GRIK4: variants seen among roughly 807,000 people sequenced by gnomAD.
GRIK4 encodes glutamate receptor ionotropic, kainate 4.
GRIK4 carries 40 observed loss-of-function variants against 104.9 expected under a neutral mutation model. The ratio of observed to expected loss-of-function variants is 0.38; its 90% CI spans 0.30 to 0.50. The LOEUF (loss-of-function observed/expected upper bound fraction) is 0.50. Ranked by LOEUF, GRIK4 falls within the 20% of genes least tolerant of loss-of-function variation. GRIK4 has a pLI of 0.93. For synonymous variants in GRIK4, 485 were observed against 524.9 expected (o/e 0.92, Z 1.04); for missense variants, 1,047 against 1,308.1 (o/e 0.80, Z 3.08).
intron 3 of GRIK4, among the ~76,000 whole-genome samples, chr11:120,669,958 C>T (rs1347251065): frequency 6.6e-6 from 1 of 152,222 alleles, no homozygotes; most frequent in Non-Finnish European, 1.5e-5. Flanking sequence ...TTTGCCATGT[C>T]CAAAATCGAG....
At chr11:120,969,177 T>C (rs1406673687) in intron 19 of GRIK4, among the ~76,000 whole-genome samples, 1 of 152,192 alleles carries the variant, frequency 6.6e-6, no homozygotes, top group Non-Finnish European at 1.5e-5. Context: ...TTACTTGAAG[T>C]GGTTAGCAAA....
intron 13 of GRIK4, among the ~76,000 whole-genome samples, chr11:120,936,868 C>G (rs1409331508): frequency 1.3e-5 from 2 of 151,934 alleles, no homozygotes; most frequent in East Asian, 1.9e-4. Context: ...ACCTGCCCCC[C>G]AGGAGGCAGA....
rs147706930 is a variant in GRIK4 at position 120,641,082 on chromosome 11, G to A, written c.-158-12603G>A. 1.7e-3 allele frequency among the ~76,000 whole-genome samples: 254 copies of A among 152,338 alleles called. 3 individuals are homozygous for A. Among genetic ancestry groups the A allele is most frequent in the Non-Finnish European group, 4.3e-4 (29 of 68,028 alleles). ...CTTGACTCTACAGGCTTTGAACTTCGTGGCATAGCCACTTTGCCATATCTG... is the reference window on the plus strand; with the variant it reads ...CTTGACTCTACAGGCTTTGAACTTCATGGCATAGCCACTTTGCCATATCTG... On this transcript the variant is annotated intron_variant, in intron 1 of 20. Coordinates refer to ENST00000527524, the MANE Select transcript of GRIK4 (RefSeq NM_014619.5).
At chr11:120,605,164 C>A (rs1242210838) in intron 1 of GRIK4, among the ~76,000 whole-genome samples, 2 of 152,172 alleles carry the variant, frequency 1.3e-5, no homozygotes, top group African/African-American at 4.8e-5. Flanking sequence ...AAAAACTTTC[C>A]AAGTGATACT....
chr11:120,898,518 G>A lies in GRIK4; in HGVS notation c.1165-14G>A, dbSNP rs374342048. The A allele has an allele frequency of 3.3e-5, 49 of 1,478,356 alleles. No individual in the cohort carries two copies. The highest frequency in any genetic ancestry group is 1.1e-4 in the African/African-American group (8 of 72,384). 91.6% of individuals were successfully genotyped at this position (1,478,356 alleles called of 1,614,324 possible). A position where few individuals can be genotyped will look rare whatever the true frequency, so the allele number is the denominator to read the frequency against. ...CCACCATTTCTTCCCAGTCCTCTCCGTTGGTCTCCTCAGATCGGCCAGTGG... is the reference window on the plus strand; with the variant it reads ...CCACCATTTCTTCCCAGTCCTCTCCATTGGTCTCCTCAGATCGGCCAGTGG... On this transcript the variant is annotated splice_polypyrimidine_tract_variant and intron_variant, in intron 11 of 20. Transcript: ENST00000527524.
Position 120,524,020 on chromosome 11 carries a change from A to C in GRIK4, c.-159+12133A>C, listed in dbSNP as rs1357193955. Among the ~76,000 whole-genome samples, 2 of 149,980 alleles carry C rather than the reference A, an allele frequency of 1.3e-5. No homozygotes were observed. Among genetic ancestry groups the C allele is most frequent in the Non-Finnish European group, 3.0e-5 (2 of 67,644 alleles). ...CGGCTCACTGCAACCTCCGCCTCCC[A>C]GGTTCAAGTGATTCCCCTGCCTCAG... On this transcript the variant is annotated intron_variant, in intron 1 of 20. Transcript: ENST00000527524. The surrounding 1 kb of genome is among the most constrained non-coding windows in gnomAD (Gnocchi z 4.5).
intron 3 of GRIK4, among the ~76,000 whole-genome samples, chr11:120,670,643 T>C (rs1949999956): frequency 6.6e-6 from 1 of 152,260 alleles, no homozygotes; most frequent in African/African-American, 2.4e-5. Flanking sequence ...GCCCTGACCA[T>C]CCTCTAGCCC....
intron 1 of GRIK4, among the ~76,000 whole-genome samples, chr11:120,566,965 C>T (rs1039906825): frequency 1.4e-5 from 2 of 141,346 alleles, no homozygotes; most frequent in African/African-American, 2.9e-5. Flanking sequence ...CCTCGGCCTC[C>T]TAATTTTTTT....
At chr11:120,834,480 T>C (rs1051915793) in intron 7 of GRIK4, among the ~76,000 whole-genome samples, 1 of 152,214 alleles carries the variant, frequency 6.6e-6, no homozygotes, top group Non-Finnish European at 1.5e-5. Flanking sequence ...CTTTGCCCAT[T>C]TGCCTTCCCA....
At chr11:120,788,551 G>A (rs1591915371) in intron 3 of GRIK4, among the ~76,000 whole-genome samples, 1 of 152,092 alleles carries the variant, frequency 6.6e-6, no homozygotes, top group Admixed American at 6.5e-5. Context: ...CAAACATAGG[G>A]TGTCATATGA....
In GRIK4 at chr11:120,988,205, A is replaced by G. The variant is rs670413; in HGVS notation, c.*1945A>G. The G allele has an allele frequency of 0.6, 91,901 of 151,968 alleles. 27,912 individuals are homozygous for G. Among genetic ancestry groups the G allele is most frequent in the Admixed American group, 0.68 (10,410 of 15,272 alleles). The allele number at this position is 151,968 out of a possible 1,614,324, so 9.4% of individuals were successfully genotyped here. On this transcript the variant is annotated 3_prime_UTR_variant, in exon 21 of 21. Transcript: ENST00000527524. ...TCCTTTATCTTTTTTCTCTTTAACC[A>G]TCAAATGACAACAAGCTGTGCAAGA... is the stretch of plus-strand genomic sequence containing the variant.
chr11:120,774,342 G>A (rs1461494390), intron 3 of GRIK4, among the ~76,000 whole-genome samples: 1 of 152,174 alleles, frequency 6.6e-6, no homozygotes, highest in Non-Finnish European at 1.5e-5. Context: ...GTGTGTATTT[G>A]TGTGTGTGGA....
intron 1 of GRIK4, among the ~76,000 whole-genome samples, chr11:120,596,778 G>A (rs1009672223): frequency 1.3e-5 from 2 of 151,822 alleles, no homozygotes; most frequent in African/African-American, 4.8e-5. Flanking sequence ...AGGCTGAAGT[G>A]CAGTGGCGCC....
chr11:120,857,502 G>A (rs1034152443), intron 8 of GRIK4, among the ~76,000 whole-genome samples: 1 of 150,096 alleles, frequency 6.7e-6, no homozygotes, highest in African/African-American at 2.5e-5. Flanking sequence ...ATGCACACAT[G>A]CACACACACA....
chr11:120,893,465 C>T (rs1942474363), intron 11 of GRIK4, among the ~76,000 whole-genome samples: 1 of 152,214 alleles, frequency 6.6e-6, no homozygotes, highest in East Asian at 1.9e-4. Flanking sequence ...AGCCATTGGC[C>T]TTGTCTGGAA....
intron 1 of GRIK4, among the ~76,000 whole-genome samples, chr11:120,599,032 A>G (rs1238164602): frequency 6.6e-6 from 1 of 152,174 alleles, no homozygotes; most frequent in Non-Finnish European, 1.5e-5. Context: ...CGTTACTGCA[A>G]AGGGTAACAC....
At position 120,929,421 on chromosome 11, in the gene GRIK4, C is replaced by T. The variant is rs74755036; in HGVS notation, c.1477-10926C>T. 3.8e-3 allele frequency among the ~76,000 whole-genome samples: 578 copies of T among 152,232 alleles called. 1 individual carries two copies. Among genetic ancestry groups the T allele is most frequent in the African/African-American group, 0.013 (547 of 41,530 alleles). ...CTGCAGCTCGGTGACCCCAGTGAGTCCTGGCAAGTTCCCTGGGCATCTCAA... is the reference window on the plus strand; with the variant it reads ...CTGCAGCTCGGTGACCCCAGTGAGTTCTGGCAAGTTCCCTGGGCATCTCAA... On this transcript the variant is annotated intron_variant, in intron 13 of 20. Transcript: ENST00000527524.
At chr11:120,591,894 A>G (rs1948738791) in intron 1 of GRIK4, among the ~76,000 whole-genome samples, 1 of 152,116 alleles carries the variant, frequency 6.6e-6, no homozygotes, top group African/African-American at 2.4e-5. Flanking sequence ...AGGGACTGTT[A>G]TTCCCACCAG....
rs11601810 is a variant in GRIK4, at chr11:120,986,364, C to A, written c.*104C>A. ...GCCGGAACTTGTACAGCGTCGACACCTCTCCAGATTTCGGATCCAGTCACT... is the reference window on the plus strand; with the variant it reads ...GCCGGAACTTGTACAGCGTCGACACATCTCCAGATTTCGGATCCAGTCACT... On this transcript the variant is annotated 3_prime_UTR_variant, in exon 21 of 21. Coordinates refer to ENST00000527524, the MANE Select transcript of GRIK4 (RefSeq NM_014619.5). 6.0e-3 allele frequency: 7,955 copies of A among 1,315,238 alleles called. 404 individuals are homozygous for A. The African/African-American group carries it at 0.11, about 18-fold the overall frequency. The allele number at this position is 1,315,238 out of a possible 1,614,324, so 81.5% of individuals were successfully genotyped here.
Sources: allele counts gnomAD v4.1 joint callset (sites outside exome capture counted in the v4.1 genomes callset), GRCh38; gene constraint gnomAD v4.1.1; non-coding constraint Gnocchi (gnomAD v3.1); transcripts MANE v1.5; gene names NCBI Gene and HGNC (gene_info 2026-07-23, HGNC 2026-07-21).